The following NKD1 variants were observed in gnomAD, a reference collection of about 807,000 sequenced individuals.
NKD1 encodes the protein NKD inhibitor of Wnt signaling pathway 1, also known as protein naked cuticle homolog 1.
In NKD1, 21 loss-of-function variants were observed where a neutral mutation model predicts 56.0. The observed-to-expected ratio is 0.38, with a 90% CI of 0.27 to 0.54. NKD1 has a LOEUF of 0.54. Ranked by LOEUF, NKD1 falls within the 20% of genes least tolerant of loss-of-function variation. NKD1 has a pLI of 0.82. For missense variants in NKD1, 578 were observed against 642.7 expected, an observed-to-expected ratio of 0.90 and a Z score of 1.09; for synonymous variants, 263 against 265.7, an observed-to-expected ratio of 0.99 and a Z score of 0.10.
Position 50,644,032 on chromosome 16 carries a change from A to G in NKD1, c.*10251A>G, listed in dbSNP as rs1962630691. ...AAGGATGTTTGTGTATAGGATGAGAACTGAACCACGAAAGCAGAGCATCAT... is the reference window on the plus strand; with the variant it reads ...AAGGATGTTTGTGTATAGGATGAGAGCTGAACCACGAAAGCAGAGCATCAT... On this transcript the variant is annotated 3_prime_UTR_variant, in exon 10 of 10. Transcript: ENST00000268459. 1 of 152,280 alleles carries G rather than the reference A, an allele frequency of 6.6e-6. No individual in the cohort carries two copies. Among genetic ancestry groups the G allele is most frequent in the Admixed American group, 6.5e-5 (1 of 15,290 alleles). 9.4% of individuals were successfully genotyped at this position (152,280 alleles called of 1,614,324 possible). A position where few individuals can be genotyped will look rare whatever the true frequency, so the allele number is the denominator to read the frequency against.
At chr16:50,610,317 G>A (rs990158672) in intron 4 of NKD1, among the ~76,000 whole-genome samples, 5 of 152,246 alleles carry the variant, frequency 3.3e-5, no homozygotes, top group African/African-American at 1.2e-4. Context: ...AGTCGGGTGG[G>A]CATCTGGACC....
chr16:50,618,657 A>G (rs921492161), intron 4 of NKD1, among the ~76,000 whole-genome samples: 2 of 152,264 alleles, frequency 1.3e-5, no homozygotes, highest in Admixed American at 1.3e-4. Flanking sequence ...GGGGATAGAG[A>G]GTGCTGACTG....
chr16:50,568,636 G>A (rs1373589178), intron 3 of NKD1, among the ~76,000 whole-genome samples: 1 of 152,154 alleles, frequency 6.6e-6, no homozygotes, highest in East Asian at 1.9e-4. Flanking sequence ...GCCTTTGAGT[G>A]CAGTGGGCCG....
chr16:50,608,486 C>T, intron 4 of NKD1, 126 bp downstream of exon 4: 1 of 541,718 alleles, frequency 1.8e-6, no homozygotes. Context: ...CCTTGTGACT[C>T]TGGGTGGGGG....
chr16:50,600,528 G>C (rs1162499423), intron 3 of NKD1, among the ~76,000 whole-genome samples: 1 of 151,994 alleles, frequency 6.6e-6, no homozygotes, highest in African/African-American at 2.4e-5. Flanking sequence ...ATTGCTTTAT[G>C]GCAAGACTAG....
intron 4 of NKD1, among the ~76,000 whole-genome samples, chr16:50,610,432 TGGG>T (rs1961818380): frequency 6.6e-6 from 1 of 151,612 alleles, no homozygotes; most frequent in Non-Finnish European, 1.5e-5. Flanking sequence ...CACCCCAGGG[TGGG>T]GGATATGGTG....
At position 50,549,408 on chromosome 16, in the gene NKD1, C is replaced by T. The variant is rs777809990; in HGVS notation, c.59-14C>T. 2.9e-5 allele frequency: 46 copies of T among 1,609,134 alleles called. No homozygotes were observed. The highest frequency in any genetic ancestry group is 3.8e-5 in the Non-Finnish European group (45 of 1,177,888). On this transcript the variant is annotated splice_polypyrimidine_tract_variant and intron_variant, in intron 2 of 9. Coordinates refer to ENST00000268459, the MANE Select transcript of NKD1 (RefSeq NM_033119.5). ...GGAGCCAGACTCAGGGGCTTCATGT[C>T]GTCCCCGTCCCAGGTGACAGCTTCG...
At chr16:50,563,584 A>G (rs1055390920) in intron 3 of NKD1, among the ~76,000 whole-genome samples, 1 of 149,610 alleles carries the variant, frequency 6.7e-6, no homozygotes, top group Non-Finnish European at 1.5e-5. Flanking sequence ...GCTAAACTCC[A>G]TCCTCAGTGG....
intron 4 of NKD1, among the ~76,000 whole-genome samples, chr16:50,617,587 A>G (rs1352752042): frequency 6.6e-6 from 1 of 152,286 alleles, no homozygotes; most frequent in Admixed American, 6.5e-5. Flanking sequence ...GAGAACCGTC[A>G]TTTGGTAAAC....
chr16:50,570,907 C>G (rs1462215925), intron 3 of NKD1: 1 of 985,286 alleles, frequency 1.0e-6, no homozygotes, highest in East Asian at 1.1e-4. Flanking sequence ...TGATGTAGCC[C>G]CCACCCCAGC....
rs1269343273 is a variant in NKD1 at position 50,548,542 on chromosome 16, C to A, written c.-12C>A. On this transcript the variant is annotated 5_prime_UTR_variant, in exon 1 of 10. Transcript: ENST00000268459. Reference sequence around the variant, plus strand: ...ATGGCTTAGGGACGCTCCCGGCCGCCGCAGCCCCAGCATGGGGAAACTTCA... The same window carrying A: ...ATGGCTTAGGGACGCTCCCGGCCGCAGCAGCCCCAGCATGGGGAAACTTCA... 1 of 1,465,904 alleles carries A rather than the reference C, an allele frequency of 6.8e-7. No homozygotes were observed. Among genetic ancestry groups the A allele is most frequent in the Admixed American group, 2.4e-5 (1 of 42,236 alleles). 90.8% of individuals were successfully genotyped at this position (1,465,904 alleles called of 1,614,324 possible).
intron 3 of NKD1, among the ~76,000 whole-genome samples, chr16:50,572,451 C>T (rs1461504512): frequency 1.3e-5 from 2 of 152,208 alleles, no homozygotes; most frequent in African/African-American, 4.8e-5. Context: ...TGAGCTTCAG[C>T]TATCCTGTCT....
Position 50,647,142 on chromosome 16 carries a change from G to A in NKD1, c.*13361G>A, listed in dbSNP as rs1962696229. On this transcript the variant is annotated 3_prime_UTR_variant, in exon 10 of 10. Transcript: ENST00000268459. ...TACTAGAAGACATGATGGGATGGTGGTGTGGTCTCTGTAGTTGACCCCATC... is the reference window on the plus strand; with the variant it reads ...TACTAGAAGACATGATGGGATGGTGATGTGGTCTCTGTAGTTGACCCCATC... The A allele has an allele frequency of 6.6e-6, 1 of 152,212 alleles. No homozygotes were observed. Among genetic ancestry groups the A allele is most frequent in the South Asian group, 2.1e-4 (1 of 4,836 alleles). The allele number at this position is 152,212 out of a possible 1,614,324, so 9.4% of individuals were successfully genotyped here. A position where few individuals can be genotyped will look rare whatever the true frequency, so the allele number is the denominator to read the frequency against.
At chr16:50,565,682 AT>A (rs1960743896) in intron 3 of NKD1, among the ~76,000 whole-genome samples, 1 of 152,226 alleles carries the variant, frequency 6.6e-6, no homozygotes. Flanking sequence ...GAGCGAGACC[AT>A]GTCTCTCAGC....
At chr16:50,597,256 G>C (rs1407037009) in intron 3 of NKD1, among the ~76,000 whole-genome samples, 3 of 152,066 alleles carry the variant, frequency 2.0e-5, no homozygotes, top group Non-Finnish European at 4.4e-5. Flanking sequence ...CCAGAGTGAA[G>C]GAAGCAGGGA....
chr16:50,601,446 G>A (rs951911991), intron 3 of NKD1, among the ~76,000 whole-genome samples: 7 of 152,242 alleles, frequency 4.6e-5, no homozygotes, highest in East Asian at 1.9e-4. Context: ...GAGTGCCTGC[G>A]TGGTACCAGG....
chr16:50,592,043 C>G (rs1181519988), intron 3 of NKD1, among the ~76,000 whole-genome samples: 3 of 152,190 alleles, frequency 2.0e-5, no homozygotes, highest in Non-Finnish European at 4.4e-5. Flanking sequence ...TGCACCTGCC[C>G]CATTTGCATT....
rs1302277414 is a variant in NKD1 at position 50,632,404 on chromosome 16, G to C, written c.819G>C (p.Gly273=). ...AGIENYTSQF[G]PGSPSVAQKS... is the part of the protein sequence containing the mutation. The stretch of plus-strand genomic sequence containing the variant: ...TAGAAAACTACACGTCCCAATTTGG[G>C]CCTGGTAAGGGACTCAAGCACCCTG... The change falls in exon 9 of 10, where the codon GGG becomes GGC. Residue 273 remains glycine, a synonymous_variant. Transcript: ENST00000268459. The surrounding 1 kb of genome is among the most constrained non-coding windows in gnomAD (Gnocchi z 4.1). The C allele has an allele frequency of 6.2e-7, 1 of 1,614,122 alleles. No homozygotes were observed. The highest frequency in any genetic ancestry group is 2.2e-5 in the East Asian group (1 of 44,870).
chr16:50,565,151 G>A (rs898432920), intron 3 of NKD1, among the ~76,000 whole-genome samples: 1 of 152,160 alleles, frequency 6.6e-6, no homozygotes, highest in Non-Finnish European at 1.5e-5. Context: ...CAAGGTGGGC[G>A]GATCACAAGG....
Sources: gnomAD v4.1 joint callset for allele counts (sites outside exome capture counted in the v4.1 genomes callset) on GRCh38, gnomAD v4.1.1 for gene constraint, Gnocchi (gnomAD v3.1) non-coding constraint, MANE v1.5 for transcripts, NCBI Gene and HGNC (gene_info 2026-07-23, HGNC 2026-07-21) for gene names.